Variants in CENATAC observed in about 807,000 individuals in gnomAD.
CENATAC encodes the protein coiled-coil domain containing 84.
CENATAC carries 53 observed loss-of-function variants against 53.7 expected under a neutral mutation model. That is an observed-to-expected ratio of 0.99 (90% CI 0.79 to 1.24). CENATAC has a LOEUF of 1.24. Ranked by LOEUF, CENATAC falls within the 50% of genes most tolerant of loss-of-function variation. The probability of loss-of-function intolerance (pLI) is 0.00; values close to 1 mark genes in which losing one functional copy is unlikely to be tolerated. For missense variants in CENATAC, 474 were observed against 417.8 expected, an observed-to-expected ratio of 1.13 and a Z score of -1.17; for synonymous variants, 156 against 144.6, an observed-to-expected ratio of 1.08 and a Z score of -0.57.
At chr11:119,002,703 G>GGAATTA (rs1383157475) in intron 3 of CENATAC, among the ~76,000 whole-genome samples, 1 of 147,024 alleles carries the variant, frequency 6.8e-6, no homozygotes, top group Non-Finnish European at 1.5e-5. Context: ...TTTTCTGATG[G>GGAATTA]TACATTTGGG....
At chr11:119,011,377 C>T in intron 5 of CENATAC, 94 bp downstream of exon 5, 2 of 1,210,850 alleles carry the variant, frequency 1.7e-6, no homozygotes, top group Non-Finnish European at 2.4e-6. Flanking sequence ...GCTTCTTCTT[C>T]TTCTTTTTTT....
chr11:119,013,214 T>TC lies in CENATAC; in HGVS notation c.685-15dup, dbSNP rs781828312. On this transcript the variant is annotated splice_polypyrimidine_tract_variant and intron_variant, in intron 7 of 10. Coordinates refer to ENST00000334418, the MANE Select transcript of CENATAC (RefSeq NM_198489.3). The stretch of plus-strand genomic sequence containing the variant: ...CCTAGACTTTAACTAGCACTTTTTT[T>TC]CCCATTTCCAACTACAGGATATACC... The TC allele has an allele frequency of 9.4e-6, 15 of 1,600,028 alleles. No homozygotes were observed. Among genetic ancestry groups the TC allele is most frequent in the South Asian group, 6.7e-5 (6 of 88,912 alleles).
intron 3 of CENATAC, among the ~76,000 whole-genome samples, chr11:119,002,403 A>C (rs1336086113): frequency 2.7e-5 from 4 of 150,768 alleles, no homozygotes; most frequent in South Asian, 4.2e-4. Context: ...CAGTGGCACA[A>C]TCTCAGCTCA....
intron 9 of CENATAC, 83 bp downstream of exon 9, chr11:119,015,166 C>A: frequency 2.1e-6 from 3 of 1,450,354 alleles, no homozygotes; most frequent in Non-Finnish European, 2.9e-6. Context: ...TGGCTCATGG[C>A]TATAATCCTA....
intron 8 of CENATAC, 65 bp from the exon 9 acceptor site, chr11:119,014,929 A>G (rs1035912206): frequency 3.7e-6 from 4 of 1,094,426 alleles, no homozygotes; most frequent in Non-Finnish European, 5.4e-6. Context: ...GCTAACAGCT[A>G]GGACATGTTT....
intron 8 of CENATAC, among the ~76,000 whole-genome samples, chr11:119,013,784 A>G (rs1182603366): frequency 6.6e-6 from 1 of 151,340 alleles, no homozygotes; most frequent in Non-Finnish European, 1.5e-5. Context: ...TTTTAAATAA[A>G]GTTGGCCAAG....
intron 8 of CENATAC, chr11:119,014,324 C>T (rs1315938710): frequency 6.6e-6 from 1 of 152,322 alleles, no homozygotes; most frequent in Non-Finnish European, 1.5e-5. Flanking sequence ...TGGCTCATGC[C>T]TGTAATCCCG....
chr11:119,005,421 A>G (rs912410937), intron 3 of CENATAC, among the ~76,000 whole-genome samples: 3 of 151,730 alleles, frequency 2.0e-5, no homozygotes, highest in Non-Finnish European at 4.4e-5. Context: ...AGCCGAGATC[A>G]TGCCACTGCA....
chr11:118,999,604 G>A (rs561942674), intron 3 of CENATAC, among the ~76,000 whole-genome samples: 1 of 152,130 alleles, frequency 6.6e-6, no homozygotes. Flanking sequence ...GATTACAGGC[G>A]CAAACCACCA....
chr11:119,015,115 A>C (rs782024835), intron 9 of CENATAC, 32 bp downstream of exon 9: 6 of 1,552,064 alleles, frequency 3.9e-6, no homozygotes, highest in South Asian at 1.2e-5. Flanking sequence ...AGGATCGTCT[A>C]AATCTTCACA....
chr11:119,010,597 G>T, intron 3 of CENATAC, 167 bp from the exon 4 acceptor site: 1 of 612,258 alleles, frequency 1.6e-6, no homozygotes. Flanking sequence ...GAGCCAGTAT[G>T]GCAAAATGTT....
chr11:118,999,674 G>T (rs782014985), intron 3 of CENATAC, among the ~76,000 whole-genome samples: 1 of 150,348 alleles, frequency 6.7e-6, no homozygotes, highest in African/African-American at 2.5e-5. Context: ...TTTATTTTTC[G>T]CTCTGTTGCC....
intron 9 of CENATAC, 41 bp from the exon 10 acceptor site, chr11:119,015,266 C>A: frequency 6.4e-7 from 1 of 1,561,612 alleles, no homozygotes; most frequent in Non-Finnish European, 8.7e-7. Context: ...TCTCTATATT[C>A]TTCAATAAAG....
intron 8 of CENATAC, among the ~76,000 whole-genome samples, chr11:119,013,762 CTT>C (rs561450474): frequency 7.8e-5 from 11 of 140,952 alleles, no homozygotes; most frequent in Admixed American, 1.4e-4. Context: ...CGTGCCCGGA[CTT>C]TTTTTTTTTT....
At chr11:119,002,873 C>T (rs1288221611) in intron 3 of CENATAC, 2 of 302,492 alleles carry the variant, frequency 6.6e-6, no homozygotes, top group East Asian at 1.7e-4. Flanking sequence ...GCAACCTCCG[C>T]CTCACAGGTT....
chr11:119,015,703 A>C lies in CENATAC; in HGVS notation c.*105A>C. On this transcript the variant is annotated 3_prime_UTR_variant, in exon 11 of 11. Coordinates refer to ENST00000334418, the MANE Select transcript of CENATAC (RefSeq NM_198489.3). ...ATTGTCTTTCTTAGGAAACAGACATACTCATTCATTTGATTTAATAAAGTT... is the reference window on the plus strand; with the variant it reads ...ATTGTCTTTCTTAGGAAACAGACATCCTCATTCATTTGATTTAATAAAGTT... 7.6e-7 allele frequency: 1 copy of C among 1,317,916 alleles called. No homozygotes were observed. Among genetic ancestry groups the C allele is most frequent in the South Asian group, 1.3e-5 (1 of 79,928 alleles). 81.6% of individuals were successfully genotyped at this position (1,317,916 alleles called of 1,614,324 possible).
intron 3 of CENATAC, among the ~76,000 whole-genome samples, chr11:118,999,873 A>C (rs1279154969): frequency 1.3e-5 from 2 of 150,712 alleles, no homozygotes; most frequent in African/African-American, 2.5e-5. Context: ...CGATCTCCTG[A>C]CCTCCTGATC....
intron 2 of CENATAC, 27 bp downstream of exon 2, chr11:118,998,620 C>T: frequency 6.4e-7 from 1 of 1,551,826 alleles, no homozygotes; most frequent in Non-Finnish European, 8.7e-7. Flanking sequence ...GAGCCTGCTC[C>T]AGCACAGACG....
intron 3 of CENATAC, among the ~76,000 whole-genome samples, chr11:119,008,724 C>T (rs1038336541): frequency 2.6e-5 from 4 of 152,180 alleles, no homozygotes; most frequent in African/African-American, 7.2e-5. Context: ...TCTCATCCCA[C>T]GAGGCCATAT....
Sources: gnomAD v4.1 joint callset for allele counts (sites outside exome capture counted in the v4.1 genomes callset) on GRCh38, gnomAD v4.1.1 for gene constraint, MANE v1.5 for transcripts, NCBI Gene and HGNC (gene_info 2026-07-23, HGNC 2026-07-21) for gene names.